Variants in GLIS3 observed in about 807,000 individuals in gnomAD.
GLIS3 encodes zinc finger protein GLIS3.
In GLIS3, 53 loss-of-function variants were observed where a neutral mutation model predicts 78.6. The observed-to-expected ratio is 0.67, with a 90% CI of 0.54 to 0.85. The LOEUF (loss-of-function observed/expected upper bound fraction) is 0.85, where lower values mean the gene tolerates loss of function less well. GLIS3 is among the 40% of genes least tolerant of loss of function. The pLI, the probability that GLIS3 is intolerant of heterozygous loss-of-function variation, is 0.00. For synonymous variants in GLIS3, 684 were observed against 509.9 expected (o/e 1.34, Z -4.60); for missense variants, 1,703 against 1,231.1 (o/e 1.38, Z -5.74).
At chr9:4,130,469 C>G (rs1453182016) in intron 2 of GLIS3, among the ~76,000 whole-genome samples, 2 of 152,254 alleles carry the variant, frequency 1.3e-5, no homozygotes, top group South Asian at 2.1e-4. Flanking sequence ...CTGCACTGCA[C>G]AGCCTCCAAA....
chr9:4,396,285 C>A, the GLIS3 span, among the ~76,000 whole-genome samples: 1 of 151,910 alleles, frequency 6.6e-6, no homozygotes, highest in Admixed American at 6.6e-5. Context: ...GCTAAGTTTT[C>A]GTTTTTTGCA....
chr9:4,099,406 C>G (rs961433458), intron 4 of GLIS3, among the ~76,000 whole-genome samples: 1 of 152,120 alleles, frequency 6.6e-6, no homozygotes, highest in African/African-American at 2.4e-5. Context: ...TTCACCTTCA[C>G]TTGGAGTTGC....
chr9:4,002,254 G>A (rs1821170581), intron 4 of GLIS3, among the ~76,000 whole-genome samples: 2 of 152,144 alleles, frequency 1.3e-5, no homozygotes, highest in Admixed American at 6.5e-5. Context: ...AGCTGAAAAA[G>A]TCAAGGAAAC....
intron 2 of GLIS3, among the ~76,000 whole-genome samples, chr9:4,335,107 A>G (rs927823107): frequency 6.6e-6 from 1 of 151,934 alleles, no homozygotes; most frequent in African/African-American, 2.4e-5. Context: ...ACGAGGTTTC[A>G]CCATGTTAGC....
chr9:4,184,353 G>C (rs180972696), intron 2 of GLIS3, among the ~76,000 whole-genome samples: 1 of 152,168 alleles, frequency 6.6e-6, no homozygotes, highest in Non-Finnish European at 1.5e-5. Context: ...ATCTATAAAA[G>C]AAAATATCAT....
chr9:3,919,654 A>T lies in GLIS3; in HGVS notation c.1983+12706T>A, dbSNP rs554460759. On this transcript the variant is annotated intron_variant, in intron 6 of 10. Coordinates refer to ENST00000381971, the MANE Select transcript of GLIS3 (RefSeq NM_001042413.2). ...TAAAGTAGAAGTTAAAAAATAAAAA[A>T]AAAAAATTAAAAATAAAAAAAAATA... Among the ~76,000 whole-genome samples, 411 of 151,810 alleles carry T rather than the reference A, an allele frequency of 2.7e-3. 3 individuals are homozygous for T. The highest frequency in any genetic ancestry group is 9.5e-3 in the African/African-American group (393 of 41,500).
At chr9:4,471,495 A>G in the GLIS3 span, among the ~76,000 whole-genome samples, 2 of 152,244 alleles carry the variant, frequency 1.3e-5, no homozygotes, top group African/African-American at 2.4e-5. Flanking sequence ...GACAAAAACA[A>G]GAAATGGGGA....
intron 2 of GLIS3, among the ~76,000 whole-genome samples, chr9:4,236,204 A>AAAAAAAAAAAAAAAAAAAAG (rs536737911): frequency 2.8e-4 from 24 of 86,326 alleles, no homozygotes; most frequent in Non-Finnish European, 3.4e-4. Flanking sequence ...AAAAAAAAAA[A>AAAAAAAAAAAAAAAAAAAAG]AAAGAAAGAA....
intron 2 of GLIS3, among the ~76,000 whole-genome samples, chr9:4,242,935 A>C (rs965509010): frequency 1.3e-5 from 2 of 152,182 alleles, no homozygotes; most frequent in African/African-American, 2.4e-5. Context: ...TGTAGCTTAC[A>C]CTATATTTCT....
At chr9:4,369,680 G>A in the GLIS3 span, among the ~76,000 whole-genome samples, 1 of 152,118 alleles carries the variant, frequency 6.6e-6, no homozygotes, top group Admixed American at 6.5e-5. Context: ...ATATAACAAT[G>A]GCGTGATGGT....
In GLIS3 at chr9:4,278,467, C is replaced by CGAG. The variant is rs544714426; in HGVS notation, c.388+7570_388+7571insCTC. On this transcript the variant is annotated intron_variant, in intron 2 of 10. Transcript: ENST00000381971. ...CACAAGAATTGACTTCAAGGGGCTCCCACTGGTCAAATTTGGGACAGTTTG... is the reference window on the plus strand; with the variant it reads ...CACAAGAATTGACTTCAAGGGGCTCCGAGCACTGGTCAAATTTGGGACAGTTTG... Among the ~76,000 whole-genome samples, 12 of 152,204 alleles carry CGAG rather than the reference C, an allele frequency of 7.9e-5. No homozygotes were observed. In the South Asian group the frequency reaches 1.9e-3, roughly 24 times the overall value.
chr9:4,162,258 T>C (rs1835540043), intron 2 of GLIS3, among the ~76,000 whole-genome samples: 1 of 152,192 alleles, frequency 6.6e-6, no homozygotes, highest in Non-Finnish European at 1.5e-5. Flanking sequence ...GATCCCACTC[T>C]AATCCGGTAT....
chr9:4,334,871 A>C (rs571943255), intron 2 of GLIS3, among the ~76,000 whole-genome samples: 11 of 150,842 alleles, frequency 7.3e-5, no homozygotes, highest in African/African-American at 2.7e-4. Flanking sequence ...CAACTACAAT[A>C]AGAGCAGCTC....
intron 9 of GLIS3, among the ~76,000 whole-genome samples, chr9:3,839,431 G>GT (rs1818579580): frequency 6.6e-6 from 1 of 152,058 alleles, no homozygotes; most frequent in African/African-American, 2.4e-5. Flanking sequence ...TTTGGTTAGT[G>GT]TTATACCAAC....
chr9:4,412,813 G>A, the GLIS3 span, among the ~76,000 whole-genome samples: 1 of 152,046 alleles, frequency 6.6e-6, no homozygotes, highest in African/African-American at 2.4e-5. Flanking sequence ...TCCAGGCCTG[G>A]CCCATAAAAA....
At chr9:3,876,425 G>C (rs1197467864) in intron 8 of GLIS3, among the ~76,000 whole-genome samples, 1 of 151,198 alleles carries the variant, frequency 6.6e-6, no homozygotes, top group Non-Finnish European at 1.5e-5. Flanking sequence ...ACAAAATTTG[G>C]GAAATCTGAA....
At chr9:4,271,532 G>A (rs1217240892) in intron 2 of GLIS3, among the ~76,000 whole-genome samples, 1 of 152,200 alleles carries the variant, frequency 6.6e-6, no homozygotes, top group Non-Finnish European at 1.5e-5. Context: ...GAGAAGCACA[G>A]AAAAGATCAT....
chr9:3,906,057 C>G (rs545973447), intron 6 of GLIS3, among the ~76,000 whole-genome samples: 1 of 152,290 alleles, frequency 6.6e-6, no homozygotes, highest in African/African-American at 2.4e-5. Flanking sequence ...CTGATGGGTT[C>G]TGAAAACAGT....
rs1165723255 is a variant in GLIS3, at chr9:4,049,001, T to G, written c.1710+68767A>C. Among the ~76,000 whole-genome samples the G allele has an allele frequency of 2.6e-5, 4 of 152,200 alleles. No individual in the cohort carries two copies. In the East Asian group the frequency reaches 7.7e-4, roughly 29 times the overall value. ...CCAACCAAGTCAGCAGACCTCAATC[T>G]GGACTGAACACCATGGACATACAGA... On this transcript the variant is annotated intron_variant, in intron 4 of 10. Transcript: ENST00000381971.
Sources: allele counts gnomAD v4.1 joint callset (sites outside exome capture counted in the v4.1 genomes callset), GRCh38; gene constraint gnomAD v4.1.1; transcripts MANE v1.5; gene names NCBI Gene and HGNC (gene_info 2026-07-23, HGNC 2026-07-21).